Variants in ITGAE observed in about 807,000 individuals in gnomAD.
The protein encoded by ITGAE is integrin subunit alpha E.
In ITGAE, 99 loss-of-function variants were observed where a neutral mutation model predicts 136.5. The ratio of observed to expected loss-of-function variants is 0.73; its 90% CI spans 0.62 to 0.86. The LOEUF (loss-of-function observed/expected upper bound fraction) is 0.86, where lower values mean the gene tolerates loss of function less well. Among genes scored for constraint, ITGAE ranks in the 40% least tolerant of loss-of-function variants. The pLI is 0.00. For missense variants in ITGAE, 1,447 were observed against 1,515.3 expected, an observed-to-expected ratio of 0.95 and a Z score of 0.75; for synonymous variants, 613 against 591.8, an observed-to-expected ratio of 1.04 and a Z score of -0.52.
chr17:3,786,176 A>G (rs1440904647), intron 1 of ITGAE, among the ~76,000 whole-genome samples: 2 of 151,690 alleles, frequency 1.3e-5, no homozygotes, highest in African/African-American at 2.4e-5. Context: ...CAAAAAAAAA[A>G]AAAAAAAAAA....
chr17:3,755,183 C>T lies in ITGAE; in HGVS notation c.1318G>A (p.Gly440Ser), dbSNP rs758158996. 8 of 1,562,910 alleles carry T rather than the reference C, an allele frequency of 5.1e-6. No homozygotes were observed. In the African/African-American group the frequency reaches 5.5e-5, roughly 11 times the overall value. ...ALLYDTRSRRGRFLNQTAAAA... is the reference protein window; with the variant it reads ...ALLYDTRSRRSRFLNQTAAAA... Reference sequence around the variant, plus strand: ...GCCGCTGTCTGGTTCAGGAAGCGGCCCCGGCGGCTGCGTGTGTCGTAGAGC... The same window carrying T: ...GCCGCTGTCTGGTTCAGGAAGCGGCTCCGGCGGCTGCGTGTGTCGTAGAGC... The change falls in exon 12 of 31, where the codon GGC (glycine) becomes AGC (serine). Residue 440 changes from glycine (G) to serine (S), a missense_variant. Coordinates refer to ENST00000263087, the MANE Select transcript of ITGAE (RefSeq NM_002208.5).
intron 1 of ITGAE, among the ~76,000 whole-genome samples, chr17:3,781,093 A>AAGT (rs1303456652): frequency 1.3e-5 from 2 of 152,220 alleles, no homozygotes; most frequent in Admixed American, 6.6e-5. Flanking sequence ...ATTTTCATGA[A>AAGT]ACGATATTAC....
At chr17:3,792,366 C>G (rs2143481734) in intron 1 of ITGAE, among the ~76,000 whole-genome samples, 1 of 152,326 alleles carries the variant, frequency 6.6e-6, no homozygotes, top group East Asian at 1.9e-4. Context: ...ATCCGCCCGC[C>G]TTGGCCTCCC....
intron 19 of ITGAE, among the ~76,000 whole-genome samples, chr17:3,740,803 G>C: frequency 6.6e-6 from 1 of 152,210 alleles, no homozygotes; most frequent in East Asian, 1.9e-4. Context: ...AAATTCCAGT[G>C]TTCTAAAGTA....
intron 1 of ITGAE, among the ~76,000 whole-genome samples, chr17:3,793,633 C>T (rs1387720958): frequency 6.6e-6 from 1 of 152,188 alleles, no homozygotes; most frequent in Non-Finnish European, 1.5e-5. Context: ...TCTCCCAGCA[C>T]CTACCGAGTG....
At chr17:3,728,214 C>CT in intron 24 of ITGAE, 46 bp from the exon 25 acceptor site, 1 of 1,456,168 alleles carries the variant, frequency 6.9e-7, no homozygotes, top group African/African-American at 1.4e-5. Context: ...GTCTTTCTCC[C>CT]TTTTTTGGAG....
intron 24 of ITGAE, among the ~76,000 whole-genome samples, chr17:3,728,712 C>G (rs1275665726): frequency 6.6e-6 from 1 of 150,668 alleles, no homozygotes; most frequent in Non-Finnish European, 1.5e-5. Context: ...CAACTGAATA[C>G]ATTAGGACAG....
At chr17:3,790,218 AAAG>A (rs1338328433) in intron 1 of ITGAE, among the ~76,000 whole-genome samples, 1 of 152,166 alleles carries the variant, frequency 6.6e-6, no homozygotes, top group Non-Finnish European at 1.5e-5. Context: ...AAGAAAAGAA[AAAG>A]AAGGGCCAGG....
chr17:3,724,836 CAA>C (rs2051167912), intron 26 of ITGAE: 2 of 1,614,086 alleles, frequency 1.2e-6, no homozygotes, highest in Non-Finnish European at 1.7e-6. Flanking sequence ...GGACTCTTGT[CAA>C]GAGAGAGGGC....
intron 2 of ITGAE, among the ~76,000 whole-genome samples, chr17:3,771,257 T>C (rs1335400407): frequency 6.6e-6 from 1 of 152,064 alleles, no homozygotes; most frequent in East Asian, 1.9e-4. Flanking sequence ...ATGGATGAAA[T>C]TCACAGGCCT....
intron 12 of ITGAE, 97 bp downstream of exon 12, chr17:3,755,020 C>T (rs1407522762): frequency 4.1e-6 from 5 of 1,229,192 alleles, no homozygotes; most frequent in Non-Finnish European, 5.4e-6. Context: ...GCCCCGCCCT[C>T]GCCCACGTAG....
At chr17:3,745,123 G>C (rs1276822586) in intron 18 of ITGAE, among the ~76,000 whole-genome samples, 1 of 152,130 alleles carries the variant, frequency 6.6e-6, no homozygotes, top group African/African-American at 2.4e-5. Context: ...CCTTTGCCAG[G>C]AGTAAACCTT....
intron 2 of ITGAE, among the ~76,000 whole-genome samples, chr17:3,767,717 G>A (rs3786019): frequency 5.9e-5 from 9 of 151,714 alleles, no homozygotes; most frequent in East Asian, 1.9e-4. Context: ...TTGACCTCCC[G>A]GGCTCAGCAA....
chr17:3,769,158 C>T (rs1267797430), intron 2 of ITGAE, among the ~76,000 whole-genome samples: 2 of 152,106 alleles, frequency 1.3e-5, no homozygotes, highest in Non-Finnish European at 2.9e-5. Context: ...TAGGTGCAGG[C>T]CTGGACCCGC....
chr17:3,751,820 C>T lies in ITGAE; in HGVS notation c.1723G>A (p.Ala575Thr), dbSNP rs138064253. Residue 575 changes from alanine (A) to threonine (T), a missense_variant, in exon 15 of 31, where the codon GCC (alanine) becomes ACC (threonine). Physicochemically the swap from Ala to Thr is moderately conservative, Grantham distance 58. Transcript: ENST00000263087. ...GCCGCCATGGCAAAGCCAAAGCGGG[C>T]ATTGGTGAACCCGGGGTGCCCACTC... ...ILSGHPGFTN[A>T]RFGFAMAAMG... is the part of the protein sequence containing the mutation. The T allele has an allele frequency of 6.2e-7, 1 of 1,614,006 alleles. No homozygotes were observed. Among genetic ancestry groups the T allele is most frequent in the Non-Finnish European group, 8.5e-7 (1 of 1,179,998 alleles).
At chr17:3,793,141 C>A (rs899379319) in intron 1 of ITGAE, among the ~76,000 whole-genome samples, 48 of 152,040 alleles carry the variant, frequency 3.2e-4, no homozygotes, top group African/African-American at 1.1e-3. Flanking sequence ...CAACCTCCGC[C>A]TCCCGGGTTC....
chr17:3,723,237 T>C (rs754522753), intron 28 of ITGAE, 51 bp downstream of exon 28: 3 of 1,194,986 alleles, frequency 2.5e-6, no homozygotes, highest in South Asian at 2.4e-5. Context: ...CTAGGGGCGA[T>C]GCCCGTGAGC....
intron 2 of ITGAE, among the ~76,000 whole-genome samples, chr17:3,775,522 C>T (rs926430100): frequency 6.6e-6 from 1 of 152,096 alleles, no homozygotes; most frequent in African/African-American, 2.4e-5. Context: ...TGCAATGGCA[C>T]GATCTCGGCT....
rs113090606 is a variant in ITGAE, at chr17:3,733,071, C to A, written c.2656-605G>T. 3.5e-4 allele frequency among the ~76,000 whole-genome samples: 54 copies of A among 152,298 alleles called. 1 individual carries two copies. The highest frequency in any genetic ancestry group is 1.2e-3 in the African/African-American group (50 of 41,560). On this transcript the variant is annotated intron_variant, in intron 21 of 30. Coordinates refer to ENST00000263087, the MANE Select transcript of ITGAE (RefSeq NM_002208.5). ...CGATCTCGGCTCACTGCAACCTCCA[C>A]CTCCCGGGTTCAAGCAATTCTCCTG...
Sources: allele counts gnomAD v4.1 joint callset (sites outside exome capture counted in the v4.1 genomes callset), GRCh38; gene constraint gnomAD v4.1.1; transcripts MANE v1.5; gene names NCBI Gene and HGNC (gene_info 2026-07-23, HGNC 2026-07-21).